Variants in MYMX observed in about 807,000 individuals in gnomAD.
MYMX encodes the protein protein myomixer.
the MYMX span, among the ~76,000 whole-genome samples, chr6:44,204,594 A>G: frequency 6.6e-6 from 1 of 152,182 alleles, no homozygotes; most frequent in African/African-American, 2.4e-5. Flanking sequence ...TTTTCACGGG[A>G]GAGGGTATCT....
the MYMX span, among the ~76,000 whole-genome samples, chr6:44,201,776 C>G: frequency 1.3e-5 from 2 of 152,230 alleles, no homozygotes; most frequent in African/African-American, 4.8e-5. Flanking sequence ...ATCTCTTTAT[C>G]TGGTCAGCTG....
chr6:44,207,233 A>G, the MYMX span, among the ~76,000 whole-genome samples: 8 of 151,946 alleles, frequency 5.3e-5, no homozygotes, highest in South Asian at 1.5e-3. Flanking sequence ...ATCTCCGCTC[A>G]CTGCAAGCTC....
chr6:44,209,938 TA>T, the MYMX span: 19 of 146,574 alleles, frequency 1.3e-4, no homozygotes, highest in African/African-American at 4.7e-4. Flanking sequence ...TATATATATA[TA>T]TATTTTATTA....
the MYMX span, among the ~76,000 whole-genome samples, chr6:44,207,345 T>C: frequency 6.6e-6 from 1 of 152,010 alleles, no homozygotes; most frequent in African/African-American, 2.4e-5. Flanking sequence ...TTCACCGTGT[T>C]AGCCAGGATG....
chr6:44,201,028 T>C, the MYMX span, among the ~76,000 whole-genome samples: 1 of 152,202 alleles, frequency 6.6e-6, no homozygotes, highest in Non-Finnish European at 1.5e-5. Context: ...TCCAACTCCC[T>C]GGCCCATTTT....
At chr6:44,212,106 G>C (rs1775619428), upstream of MYMX, among the ~76,000 whole-genome samples, 1 of 152,022 alleles carries the variant, frequency 6.6e-6, no homozygotes, top group African/African-American at 2.4e-5. Flanking sequence ...TTGTCTACTG[G>C]GTATGGTGGA....
chr6:44,212,879 A>T (rs1270990084), upstream of MYMX, among the ~76,000 whole-genome samples: 1 of 151,096 alleles, frequency 6.6e-6, no homozygotes, highest in Non-Finnish European at 1.5e-5. Flanking sequence ...AAAAAAAACA[A>T]AACTTGACTG....
chr6:44,202,701 T>G, the MYMX span, among the ~76,000 whole-genome samples: 1 of 151,938 alleles, frequency 6.6e-6, no homozygotes, highest in African/African-American at 2.4e-5. Context: ...GGGGTGGAGC[T>G]AATGGAAGTG....
chr6:44,203,094 C>T, the MYMX span, among the ~76,000 whole-genome samples: 2 of 152,314 alleles, frequency 1.3e-5, no homozygotes, highest in East Asian at 1.9e-4. Flanking sequence ...GGGGCCTCCA[C>T]GGTTCCCCGT....
chr6:44,201,056 A>T, the MYMX span, among the ~76,000 whole-genome samples: 1 of 152,176 alleles, frequency 6.6e-6, no homozygotes. Context: ...TCTTACAGGC[A>T]TATCCAGTGT....
chr6:44,204,371 A>G, the MYMX span, among the ~76,000 whole-genome samples: 1 of 152,170 alleles, frequency 6.6e-6, no homozygotes, highest in Non-Finnish European at 1.5e-5. Context: ...AGATTTCTGG[A>G]TAAAGACCCT....
upstream of MYMX, among the ~76,000 whole-genome samples, chr6:44,216,652 CAAAAAA>C (rs547725984): frequency 2.6e-5 from 3 of 117,282 alleles, no homozygotes; most frequent in Admixed American, 9.0e-5. Flanking sequence ...AACTCTGTCT[CAAAAAA>C]AAAAAAAAAA....
the MYMX span, chr6:44,210,104 C>G: frequency 1.3e-5 from 2 of 150,016 alleles, no homozygotes; most frequent in East Asian, 4.1e-4. Context: ...TGCCACCACG[C>G]CCAGCTAATT....
At chr6:44,208,696 T>G in the MYMX span, among the ~76,000 whole-genome samples, 1 of 152,146 alleles carries the variant, frequency 6.6e-6, no homozygotes, top group Non-Finnish European at 1.5e-5. Flanking sequence ...GACATATAGG[T>G]TGAGTTACTT....
chr6:44,199,410 C>T, the MYMX span, among the ~76,000 whole-genome samples: 1 of 152,078 alleles, frequency 6.6e-6, no homozygotes, highest in Admixed American at 6.5e-5. Flanking sequence ...GTTGCCCAGG[C>T]TGATCTCGAA....
At chr6:44,211,430 G>A in the MYMX span, among the ~76,000 whole-genome samples, 3 of 152,048 alleles carry the variant, frequency 2.0e-5, no homozygotes, top group Non-Finnish European at 4.4e-5. Flanking sequence ...GGTTATTTAA[G>A]GTTGCTTCAG....
the MYMX span, among the ~76,000 whole-genome samples, chr6:44,205,996 AAC>A: frequency 1.7e-3 from 245 of 145,514 alleles, 39 homozygotes; most frequent in Admixed American, 2.3e-3. Context: ...AAAAAAACAA[AAC>A]AAAAAAAAAC....
the MYMX span, among the ~76,000 whole-genome samples, chr6:44,209,155 G>T: frequency 6.6e-6 from 1 of 152,130 alleles, no homozygotes. Flanking sequence ...GTAGAGAGAG[G>T]GTTTGGTTAT....
chr6:44,200,302 GT>G, the MYMX span, among the ~76,000 whole-genome samples: 3 of 151,318 alleles, frequency 2.0e-5, no homozygotes, highest in Admixed American at 6.6e-5. Flanking sequence ...GTCTTGCCTA[GT>G]TTTTTTTATT....
Sources: allele counts gnomAD v4.1 joint callset (sites outside exome capture counted in the v4.1 genomes callset), GRCh38; gene constraint gnomAD v4.1.1; transcripts MANE v1.5; gene names NCBI Gene and HGNC (gene_info 2026-07-23, HGNC 2026-07-21).